The following PCNX1 variants were observed in gnomAD, a reference collection of about 807,000 sequenced individuals.
The protein encoded by PCNX1 is pecanex 1.
In PCNX1, 78 loss-of-function variants were observed where a neutral mutation model predicts 242.2. The observed-to-expected ratio is 0.32, with a 90% CI of 0.27 to 0.39. PCNX1 has a LOEUF of 0.39. PCNX1 is among the 10% of genes least tolerant of loss of function. PCNX1 has a pLI of 1.00. For missense variants in PCNX1, 2,581 were observed against 2,856.5 expected (o/e 0.90, Z 2.20); for synonymous variants, 1,024 against 1,032.9 (o/e 0.99, Z 0.17).
intron 1 of PCNX1, among the ~76,000 whole-genome samples, chr14:70,936,744 A>G (rs1193570179): frequency 6.6e-6 from 1 of 152,178 alleles, no homozygotes; most frequent in East Asian, 1.9e-4. Context: ...TTACAGTCCC[A>G]CCAACAGTGT....
At chr14:71,078,220 T>G (rs1055623867) in intron 28 of PCNX1, among the ~76,000 whole-genome samples, 2 of 152,230 alleles carry the variant, frequency 1.3e-5, no homozygotes, top group African/African-American at 4.8e-5. Flanking sequence ...TAGTTTCTCT[T>G]TTAAGTTGAA....
intron 8 of PCNX1, among the ~76,000 whole-genome samples, chr14:71,007,678 A>G (rs2059704500): frequency 6.6e-6 from 1 of 152,182 alleles, no homozygotes; most frequent in Non-Finnish European, 1.5e-5. Context: ...CTCTTAATCT[A>G]AGTTTAATTA....
chr14:70,953,392 G>GT (rs1275134536), intron 2 of PCNX1, among the ~76,000 whole-genome samples: 2 of 151,612 alleles, frequency 1.3e-5, no homozygotes, highest in Admixed American at 6.6e-5. Context: ...GTCCATTTAG[G>GT]TTTTTTCTTT....
At chr14:71,108,128 C>T (rs1566812600) in intron 33 of PCNX1, among the ~76,000 whole-genome samples, 1 of 152,202 alleles carries the variant, frequency 6.6e-6, no homozygotes. Context: ...AACCACCATT[C>T]TACTCTCTGC....
intron 26 of PCNX1, among the ~76,000 whole-genome samples, chr14:71,073,237 G>A (rs982866313): frequency 2.0e-5 from 3 of 152,216 alleles, no homozygotes; most frequent in South Asian, 4.1e-4. Context: ...GGCAGAGGTT[G>A]CAGTGGGCTG....
rs529634207 is a variant in PCNX1, at chr14:70,982,676, A to C, written c.2311+4028A>C. ...TCTTCCTTTACAACAATATCAAGAA[A>C]AGTGGTGTTTATTGGTGAAGCAAAT... On this transcript the variant is annotated intron_variant, in intron 6 of 35. Coordinates refer to ENST00000304743, the MANE Select transcript of PCNX1 (RefSeq NM_014982.3). Among the ~76,000 whole-genome samples, 31 of 152,334 alleles carry C rather than the reference A, an allele frequency of 2.0e-4. 1 individual carries two copies. The South Asian group carries it at 6.2e-3, about 30-fold the overall frequency.
chr14:71,004,017 G>A (rs946978763), intron 8 of PCNX1, among the ~76,000 whole-genome samples: 1 of 152,224 alleles, frequency 6.6e-6, no homozygotes, highest in African/African-American at 2.4e-5. Context: ...TGGAGCCTAA[G>A]ATTCTTGGTC....
chr14:71,098,242 A>G (rs143872555), intron 30 of PCNX1, among the ~76,000 whole-genome samples: 3 of 152,180 alleles, frequency 2.0e-5, no homozygotes, highest in Non-Finnish European at 4.4e-5. Flanking sequence ...CTTTTTACTT[A>G]TAATTGTTTT....
At chr14:70,951,813 A>C (rs890701675) in intron 2 of PCNX1, among the ~76,000 whole-genome samples, 1 of 152,192 alleles carries the variant, frequency 6.6e-6, no homozygotes, top group Non-Finnish European at 1.5e-5. Context: ...CTTTTAAAAT[A>C]GGGATATAGA....
At chr14:71,070,058 G>A (rs2061551660) in intron 26 of PCNX1, among the ~76,000 whole-genome samples, 1 of 152,112 alleles carries the variant, frequency 6.6e-6, no homozygotes, top group Non-Finnish European at 1.5e-5. Context: ...TTTTAACCAA[G>A]GCTCACAACA....
Position 70,995,834 on chromosome 14 carries a change from C to G in PCNX1, c.2538C>G (p.Ala846=), listed in dbSNP as rs2059333754. 6.2e-7 allele frequency: 1 copy of G among 1,613,854 alleles called. No individual in the cohort carries two copies. Among genetic ancestry groups the G allele is most frequent in the African/African-American group, 1.3e-5 (1 of 75,022 alleles). ...PSQAAVLSAS[A]SLLVRNGSVH... is the part of the protein sequence containing the mutation. ...AGGCTGCAGTGCTCAGTGCTAGTGCCTCCTTGCTGGTGAGAAATGGGAGTG... is the reference window on the plus strand; with the variant it reads ...AGGCTGCAGTGCTCAGTGCTAGTGCGTCCTTGCTGGTGAGAAATGGGAGTG... Residue 846 remains alanine (A), a synonymous_variant, in exon 8 of 36, where the codon GCC becomes GCG. Transcript: ENST00000304743.
intron 2 of PCNX1, among the ~76,000 whole-genome samples, chr14:70,959,341 T>C (rs2058117367): frequency 6.7e-6 from 1 of 150,220 alleles, no homozygotes. Flanking sequence ...AACTCGTCAT[T>C]TAGCATTAGG....
chr14:71,051,186 AAAAAAAAAAAAAT>A (rs2061022602), intron 23 of PCNX1, among the ~76,000 whole-genome samples: 1 of 150,378 alleles, frequency 6.6e-6, no homozygotes, highest in Admixed American at 6.7e-5. Context: ...AAAAAAAAAA[AAAAAAAAAAAAAT>A]CATAACCTTT....
chr14:70,912,311 A>C (rs1365247446), intron 1 of PCNX1, among the ~76,000 whole-genome samples: 1 of 152,208 alleles, frequency 6.6e-6, no homozygotes, highest in Non-Finnish European at 1.5e-5. Flanking sequence ...TCCAGTTGAC[A>C]TCAGAATCAC....
intron 30 of PCNX1, 24 bp from the exon 31 acceptor site, chr14:71,101,965 AT>A (rs112309518): frequency 2.3e-6 from 3 of 1,330,694 alleles, no homozygotes; most frequent in Non-Finnish European, 3.1e-6. Flanking sequence ...TCCTTTAAAA[AT>A]TTATATATTA....
chr14:71,028,244 C>T (rs1486808973), intron 15 of PCNX1, among the ~76,000 whole-genome samples: 1 of 151,852 alleles, frequency 6.6e-6, no homozygotes, highest in Non-Finnish European at 1.5e-5. Context: ...ATTAGATCTA[C>T]ACTTTTTTTC....
In PCNX1 at chr14:71,055,494, T is replaced by C. The variant is rs1213773387; in HGVS notation, c.4578-10T>C. On this transcript the variant is annotated splice_polypyrimidine_tract_variant and intron_variant, in intron 24 of 35. Coordinates refer to ENST00000304743, the MANE Select transcript of PCNX1 (RefSeq NM_014982.3). ...AAAGAAAGTTACTAAAAATGTTTTA[T>C]TTTCTTTAGCACAAAACGAGTGGAT... 1.3e-6 allele frequency: 2 copies of C among 1,571,440 alleles called. No homozygotes were observed. The highest frequency in any genetic ancestry group is 2.7e-5 in the African/African-American group (2 of 74,004).
intron 1 of PCNX1, among the ~76,000 whole-genome samples, chr14:70,924,048 T>A (rs1320663537): frequency 6.6e-6 from 1 of 151,910 alleles, no homozygotes; most frequent in African/African-American, 2.4e-5. Context: ...CTGGGCTCTA[T>A]GGGGAAACCC....
At chr14:71,101,377 T>C (rs1233634306) in intron 30 of PCNX1, among the ~76,000 whole-genome samples, 1 of 152,200 alleles carries the variant, frequency 6.6e-6, no homozygotes, top group African/African-American at 2.4e-5. Flanking sequence ...CAGACAGTCT[T>C]GTACATGGTA....
Sources: allele counts gnomAD v4.1 joint callset (sites outside exome capture counted in the v4.1 genomes callset), GRCh38; gene constraint gnomAD v4.1.1; transcripts MANE v1.5; gene names NCBI Gene and HGNC (gene_info 2026-07-23, HGNC 2026-07-21).